Variants in DNM3 observed in about 807,000 individuals in gnomAD.
DNM3 encodes dynamin-3.
In DNM3, 47 loss-of-function variants were observed where a neutral mutation model predicts 101.6. The observed-to-expected ratio is 0.46, with a 90% confidence interval of 0.37 to 0.59. The LOEUF (loss-of-function observed/expected upper bound fraction) is 0.59, where lower values mean the gene tolerates loss of function less well. Ranked by LOEUF, DNM3 falls within the 20% of genes least tolerant of loss-of-function variation. The probability of loss-of-function intolerance (pLI) is 0.00; values close to 1 mark genes in which losing one functional copy is unlikely to be tolerated. For synonymous variants in DNM3, 385 were observed against 387.9 expected, an observed-to-expected ratio of 0.99 and a Z score of 0.09; for missense variants, 849 against 1,085.7, an observed-to-expected ratio of 0.78 and a Z score of 3.06.
intron 17 of DNM3, among the ~76,000 whole-genome samples, chr1:172,347,601 T>C (rs1021625428): frequency 2.0e-5 from 3 of 152,168 alleles, no homozygotes; most frequent in African/African-American, 7.2e-5. Context: ...CTGGAAAATC[T>C]GTAGTGATAT....
chr1:172,202,658 C>T (rs546411838), intron 14 of DNM3, among the ~76,000 whole-genome samples: 1 of 152,230 alleles, frequency 6.6e-6, no homozygotes, highest in Admixed American at 6.5e-5. Flanking sequence ...CTGAAATGAA[C>T]TGAATTTCTC....
At position 171,889,365 on chromosome 1, in the gene DNM3, G is replaced by C. The variant is rs1281815403; in HGVS notation, c.162-32383G>C. 2.0e-5 allele frequency among the ~76,000 whole-genome samples: 3 copies of C among 151,944 alleles called. No individual in the cohort carries two copies. The East Asian group carries it at 5.8e-4, about 29-fold the overall frequency. On this transcript the variant is annotated intron_variant, in intron 1 of 20. Coordinates refer to ENST00000627582, the MANE Select transcript of DNM3 (RefSeq NM_015569.5). Reference sequence around the variant, plus strand: ...CAAAACGACAACAACAAAAAACCATGGACTATATTTATATATTCTCTAGCC... The same window carrying C: ...CAAAACGACAACAACAAAAAACCATCGACTATATTTATATATTCTCTAGCC...
chr1:172,267,535 T>C (rs1342174844), intron 15 of DNM3, among the ~76,000 whole-genome samples: 1 of 152,128 alleles, frequency 6.6e-6, no homozygotes, highest in Non-Finnish European at 1.5e-5. Flanking sequence ...CTAAATAGAA[T>C]TCTATGACAT....
intron 17 of DNM3, among the ~76,000 whole-genome samples, chr1:172,338,475 C>T (rs1573523007): frequency 6.6e-6 from 1 of 152,162 alleles, no homozygotes; most frequent in East Asian, 1.9e-4. Context: ...TTCCCAAGTC[C>T]CTGTCAGCTG....
chr1:171,906,631 T>A (rs1274462797), intron 1 of DNM3, among the ~76,000 whole-genome samples: 1 of 152,224 alleles, frequency 6.6e-6, no homozygotes, highest in Non-Finnish European at 1.5e-5. Context: ...TTACATTTTT[T>A]AAGATACCCA....
chr1:172,195,622 T>C (rs2059919334), intron 14 of DNM3, among the ~76,000 whole-genome samples: 1 of 151,916 alleles, frequency 6.6e-6, no homozygotes, highest in African/African-American at 2.4e-5. Context: ...TGCTGTGAGT[T>C]TTTATCATGA....
intron 6 of DNM3, among the ~76,000 whole-genome samples, chr1:172,033,873 T>G (rs192699491): frequency 7.2e-4 from 110 of 152,266 alleles, no homozygotes; most frequent in Non-Finnish European, 1.2e-3. Context: ...ATGCTCTTAC[T>G]TGGTTACAGA....
At chr1:172,080,793 A>G (rs1371368358) in intron 11 of DNM3, among the ~76,000 whole-genome samples, 1 of 152,160 alleles carries the variant, frequency 6.6e-6, no homozygotes, top group Non-Finnish European at 1.5e-5. Context: ...GCAGGTTGCG[A>G]AGACCATGGG....
intron 13 of DNM3, among the ~76,000 whole-genome samples, chr1:172,100,830 C>G (rs536894476): frequency 6.6e-6 from 1 of 152,178 alleles, no homozygotes; most frequent in East Asian, 1.9e-4. Context: ...TGGTTCTGTT[C>G]TTGCCCCAAC....
rs74124057 is a variant in DNM3 at position 172,327,768 on chromosome 1, A to T, written c.1893+4428A>T. Among the ~76,000 whole-genome samples the T allele has an allele frequency of 2.1e-3, 317 of 152,232 alleles. 1 individual carries two copies. Among genetic ancestry groups the T allele is most frequent in the African/African-American group, 7.0e-3 (291 of 41,552 alleles). On this transcript the variant is annotated intron_variant, in intron 17 of 20. Coordinates refer to ENST00000627582, the MANE Select transcript of DNM3 (RefSeq NM_015569.5). ...GGTTGACTAAATTTATGCATAACCC[A>T]ATAAGGACATCATTAGAGTTAAAAG...
chr1:172,242,702 C>A lies in DNM3; in HGVS notation c.1660-10871C>A, dbSNP rs143462214. 9.5e-3 allele frequency among the ~76,000 whole-genome samples: 1,452 copies of A among 152,308 alleles called. 18 individuals carry two copies. The highest frequency in any genetic ancestry group is 0.033 in the African/African-American group (1,382 of 41,584). ...AAGCGATCCTCCTGCCTTGGCTCCC[C>A]AAACAACTGGGATTACAGGCATGAG... is the stretch of plus-strand genomic sequence containing the variant. On this transcript the variant is annotated intron_variant, in intron 14 of 20. Coordinates refer to ENST00000627582, the MANE Select transcript of DNM3 (RefSeq NM_015569.5).
intron 16 of DNM3, among the ~76,000 whole-genome samples, chr1:172,313,768 A>T (rs1428996501): frequency 1.2e-5 from 1 of 84,898 alleles, no homozygotes; most frequent in East Asian, 3.6e-4. Context: ...GTCTCATAGC[A>T]TTTATTTATT....
chr1:171,853,170 CT>C (rs553454172), intron 1 of DNM3, among the ~76,000 whole-genome samples: 50 of 145,858 alleles, frequency 3.4e-4, no homozygotes, highest in Middle Eastern at 3.5e-3. Flanking sequence ...TGTATTTATT[CT>C]TTTTTTTTTT....
chr1:172,402,465 G>A (rs575448432), intron 20 of DNM3, among the ~76,000 whole-genome samples: 63 of 152,166 alleles, frequency 4.1e-4, no homozygotes, highest in African/African-American at 1.5e-3. Context: ...AGAAGCTACT[G>A]CATATCCTTT....
At chr1:172,389,419 C>T (rs1168143206) in intron 20 of DNM3, among the ~76,000 whole-genome samples, 4 of 152,048 alleles carry the variant, frequency 2.6e-5, no homozygotes, top group South Asian at 2.1e-4. Flanking sequence ...CTGAATAATA[C>T]GTGTTGACAA....
intron 8 of DNM3, among the ~76,000 whole-genome samples, 156 bp from the exon 9 acceptor site, chr1:172,044,229 A>G (rs2049604440): frequency 1.3e-5 from 2 of 152,198 alleles, no homozygotes. Context: ...CTTGAAATTT[A>G]TATAAACAGA....
intron 20 of DNM3, among the ~76,000 whole-genome samples, chr1:172,406,470 A>G (rs2070892616): frequency 6.6e-6 from 1 of 152,034 alleles, no homozygotes; most frequent in Non-Finnish European, 1.5e-5. Flanking sequence ...CTGTAATTCC[A>G]GTGCTTTGTA....
chr1:172,073,331 A>G (rs942268888), intron 11 of DNM3, among the ~76,000 whole-genome samples: 4 of 152,056 alleles, frequency 2.6e-5, no homozygotes, highest in Admixed American at 6.6e-5. Flanking sequence ...ATATGTGCAT[A>G]TGTGTACATA....
At chr1:171,894,425 T>C (rs1478973798) in intron 1 of DNM3, among the ~76,000 whole-genome samples, 2 of 152,016 alleles carry the variant, frequency 1.3e-5, no homozygotes, top group Admixed American at 1.3e-4. Context: ...ATTTTTTTGA[T>C]ACAGAATCTC....
Sources: allele counts gnomAD v4.1 joint callset (sites outside exome capture counted in the v4.1 genomes callset), GRCh38; gene constraint gnomAD v4.1.1; transcripts MANE v1.5; gene names NCBI Gene and HGNC (gene_info 2026-07-23, HGNC 2026-07-21).